PLEKHA7: variants seen among roughly 807,000 people sequenced by gnomAD.
PLEKHA7 encodes the protein pleckstrin homology domain-containing family A member 7.
A neutral mutation model predicts 170.0 loss-of-function variants in PLEKHA7; 104 were observed. The ratio of observed to expected loss-of-function variants is 0.61; its 90% CI spans 0.52 to 0.72. The LOEUF (loss-of-function observed/expected upper bound fraction) is 0.72. PLEKHA7 is among the 30% of genes least tolerant of loss of function. PLEKHA7 has a pLI of 0.00. For synonymous variants in PLEKHA7, 648 were observed against 660.8 expected (o/e 0.98, Z 0.30); for missense variants, 1,615 against 1,671.7 (o/e 0.97, Z 0.59).
chr11:16,779,985 G>C (rs1005527901), intron 26 of PLEKHA7, among the ~76,000 whole-genome samples: 4 of 147,770 alleles, frequency 2.7e-5, no homozygotes, highest in Non-Finnish European at 4.5e-5. Flanking sequence ...CGGGGAGGGG[G>C]GGGGGAATAT....
Position 16,801,059 on chromosome 11 carries a change from C to G in PLEKHA7, c.2324G>C (p.Trp775Ser). ...SRESTEMENA[W>S]NEYLKLENDV... ...ATTCTCCAACTTCAGGTATTCGTTC[C>G]AAGCATTTTCCATCTCCTGTTGGCC... Residue 775 changes from tryptophan (W) to serine (S), a missense_variant, in exon 17 of 27, where the codon TGG (tryptophan) becomes TCG (serine). By Grantham distance (177) the Trp-to-Ser change is radical. Transcript: ENST00000531066. The G allele has an allele frequency of 6.2e-7, 1 of 1,614,220 alleles. No homozygotes were observed. Among genetic ancestry groups the G allele is most frequent in the Non-Finnish European group, 8.5e-7 (1 of 1,180,024 alleles).
chr11:16,853,192 T>A (rs578060169), intron 6 of PLEKHA7, among the ~76,000 whole-genome samples: 84 of 151,794 alleles, frequency 5.5e-4, no homozygotes, highest in African/African-American at 1.7e-3. Flanking sequence ...CAAAAAAAAA[T>A]TTTTTTTTCA....
intron 3 of PLEKHA7, among the ~76,000 whole-genome samples, chr11:16,959,699 T>G (rs781489301): frequency 6.6e-6 from 1 of 152,226 alleles, no homozygotes; most frequent in Non-Finnish European, 1.5e-5. Context: ...ATAGAAAGGC[T>G]GGAGCAACAA....
chr11:16,844,484 C>A (rs1228822224), intron 8 of PLEKHA7, among the ~76,000 whole-genome samples: 1 of 152,202 alleles, frequency 6.6e-6, no homozygotes, highest in African/African-American at 2.4e-5. Context: ...TGACCCAAGT[C>A]CAAAGTATCC....
chr11:16,805,685 G>T (rs1297682428), intron 13 of PLEKHA7, among the ~76,000 whole-genome samples: 1 of 151,768 alleles, frequency 6.6e-6, no homozygotes, highest in African/African-American at 2.4e-5. Flanking sequence ...AGCTACTCGG[G>T]AGGTTGAGGC....
rs187604519 is a variant in PLEKHA7, at chr11:16,898,187, C to G, written c.222-27005G>C. On this transcript the variant is annotated intron_variant, in intron 3 of 26. Transcript: ENST00000531066. ...CCACATTCTCCCACTCTTTCAACAACTCGAATTTTTATAGATCTCATAAAT... is the reference window on the plus strand; with the variant it reads ...CCACATTCTCCCACTCTTTCAACAAGTCGAATTTTTATAGATCTCATAAAT... 1.6e-3 allele frequency among the ~76,000 whole-genome samples: 239 copies of G among 152,316 alleles called. 1 individual carries two copies. The highest frequency in any genetic ancestry group is 5.9e-3 in the Admixed American group (91 of 15,300).
chr11:16,977,931 G>A (rs765065147), intron 3 of PLEKHA7, among the ~76,000 whole-genome samples: 1 of 151,984 alleles, frequency 6.6e-6, no homozygotes, highest in African/African-American at 2.4e-5. Context: ...CAACATCAGG[G>A]GCCCAGCACC....
At chr11:16,968,751 C>T (rs1190988092) in intron 3 of PLEKHA7, among the ~76,000 whole-genome samples, 1 of 152,226 alleles carries the variant, frequency 6.6e-6, no homozygotes, top group Non-Finnish European at 1.5e-5. Flanking sequence ...CATGCAATGG[C>T]TGGCATGATA....
intron 4 of PLEKHA7, among the ~76,000 whole-genome samples, chr11:16,866,670 T>C (rs1854422525): frequency 6.6e-6 from 1 of 152,192 alleles, no homozygotes; most frequent in African/African-American, 2.4e-5. Context: ...GAAATTCGCC[T>C]TTGCTGTTTT....
At chr11:16,808,253 G>C (rs1284373100) in intron 13 of PLEKHA7, among the ~76,000 whole-genome samples, 1 of 152,128 alleles carries the variant, frequency 6.6e-6, no homozygotes, top group Non-Finnish European at 1.5e-5. Context: ...GTCTCTAAGG[G>C]GTAGGACCCA....
Position 16,988,773 on chromosome 11 carries a change from T to C in PLEKHA7, c.221+25216A>G, listed in dbSNP as rs146351685. Among the ~76,000 whole-genome samples, 174 of 152,344 alleles carry C rather than the reference T, an allele frequency of 1.1e-3. 1 individual carries two copies. Among genetic ancestry groups the C allele is most frequent in the Middle Eastern group, 6.8e-3 (2 of 294 alleles). ...TCCCATGCTTGATTACCTCTGATGATAGTGAACTCACTACATCCCAAATAT... is the reference window on the plus strand; with the variant it reads ...TCCCATGCTTGATTACCTCTGATGACAGTGAACTCACTACATCCCAAATAT... On this transcript the variant is annotated intron_variant, in intron 3 of 26. Transcript: ENST00000531066.
chr11:16,837,948 G>C (rs1489827389), intron 9 of PLEKHA7, among the ~76,000 whole-genome samples: 18 of 152,200 alleles, frequency 1.2e-4, no homozygotes, highest in Non-Finnish European at 1.5e-5. Context: ...AATTGGGCTT[G>C]AGAAACCTAT....
At chr11:16,816,496 C>A (rs1302477062) in intron 11 of PLEKHA7, among the ~76,000 whole-genome samples, 1 of 152,178 alleles carries the variant, frequency 6.6e-6, no homozygotes, top group African/African-American at 2.4e-5. Flanking sequence ...TCTTTTCCTG[C>A]CTTTCAAGAT....
intron 3 of PLEKHA7, among the ~76,000 whole-genome samples, chr11:16,901,375 T>C (rs963005748): frequency 3.9e-5 from 6 of 152,222 alleles, no homozygotes; most frequent in Admixed American, 3.3e-4. Flanking sequence ...TTCACTTTAC[T>C]ATAGTGAAGA....
intron 3 of PLEKHA7, among the ~76,000 whole-genome samples, chr11:16,891,714 C>T (rs1856627592): frequency 6.6e-6 from 1 of 152,142 alleles, no homozygotes; most frequent in Non-Finnish European, 1.5e-5. Context: ...GATCAGACTC[C>T]ACCCAATTAT....
chr11:17,014,112 G>A lies in PLEKHA7; in HGVS notation c.163+13C>T, dbSNP rs752626327. ...CGCTGCGCGCGCCCCCCACCCGCCG[G>A]CCCGGCGCCCACCTGAGCGGATCAT... On this transcript the variant is annotated intron_variant, in intron 2 of 26. Coordinates refer to ENST00000531066, the MANE Select transcript of PLEKHA7 (RefSeq NM_001329630.2). 9.4e-6 allele frequency: 15 copies of A among 1,596,672 alleles called. No homozygotes were observed. Among genetic ancestry groups the A allele is most frequent in the Non-Finnish European group, 1.3e-5 (15 of 1,172,940 alleles).
intron 3 of PLEKHA7, among the ~76,000 whole-genome samples, chr11:16,963,990 C>T (rs981851830): frequency 6.6e-5 from 10 of 152,206 alleles, no homozygotes; most frequent in African/African-American, 1.9e-4. Context: ...TTCCCTCAGG[C>T]CCTAGAAACC....
chr11:16,864,008 T>C (rs2135564653), intron 4 of PLEKHA7, among the ~76,000 whole-genome samples: 1 of 152,332 alleles, frequency 6.6e-6, no homozygotes, highest in African/African-American at 2.4e-5. Context: ...TGAAATTTCA[T>C]TGCTACAAAT....
intron 3 of PLEKHA7, among the ~76,000 whole-genome samples, chr11:16,887,493 G>A (rs1381974759): frequency 1.3e-5 from 2 of 152,200 alleles, no homozygotes; most frequent in African/African-American, 2.4e-5. Flanking sequence ...CAACCTCCCT[G>A]CCTGATTCTC....
Sources: allele counts gnomAD v4.1 joint callset (sites outside exome capture counted in the v4.1 genomes callset), GRCh38; gene constraint gnomAD v4.1.1; transcripts MANE v1.5; gene names NCBI Gene and HGNC (gene_info 2026-07-23, HGNC 2026-07-21).